The following CFAP70 variants were observed in gnomAD, a reference collection of about 807,000 sequenced individuals.
CFAP70 encodes the protein cilia and flagella associated protein 70, also known as cilia- and flagella-associated protein 70.
Under a neutral mutation model 137.6 loss-of-function variants are expected in CFAP70, and 81 were observed. That is an observed-to-expected ratio of 0.59 (90% CI 0.49 to 0.71). CFAP70 has a LOEUF of 0.71. Ranked by LOEUF, CFAP70 falls within the 30% of genes least tolerant of loss-of-function variation. The probability of loss-of-function intolerance (pLI) is 0.00; values close to 1 mark genes in which losing one functional copy is unlikely to be tolerated. For missense variants in CFAP70, 976 were observed against 1,226.7 expected (o/e 0.80, Z 3.05); for synonymous variants, 382 against 423.6 (o/e 0.90, Z 1.20).
intron 25 of CFAP70, among the ~76,000 whole-genome samples, chr10:73,257,094 T>C (rs7915765): frequency 0.1 from 15,942 of 152,104 alleles, 1,191 homozygotes; most frequent in East Asian, 0.29. Flanking sequence ...TCATTATTGA[T>C]GTTGTTTTTA....
At chr10:73,287,841 A>G (rs911972979) in intron 19 of CFAP70, among the ~76,000 whole-genome samples, 1 of 149,558 alleles carries the variant, frequency 6.7e-6, no homozygotes, top group Non-Finnish European at 1.5e-5. Context: ...AAATGGACTG[A>G]TGCATTTTAA....
At chr10:73,278,286 T>C in exon 20 of CFAP70, 2 of 1,614,032 alleles carry the variant, frequency 1.2e-6, no homozygotes, top group Non-Finnish European at 1.7e-6. Flanking sequence ...AGACTGCAGT[T>C]TGGAGGATTC....
chr10:73,342,645 G>A (rs1481782846), intron 5 of CFAP70, among the ~76,000 whole-genome samples: 3 of 152,118 alleles, frequency 2.0e-5, no homozygotes, highest in African/African-American at 4.8e-5. Context: ...TTAAAAGGAA[G>A]TTCTATTTCC....
chr10:73,308,921 TA>T (rs1170718448), intron 12 of CFAP70, among the ~76,000 whole-genome samples: 2 of 151,078 alleles, frequency 1.3e-5, no homozygotes, highest in African/African-American at 4.9e-5. Flanking sequence ...ACACATACAC[TA>T]AAGAAGAAGA....
intron 19 of CFAP70, among the ~76,000 whole-genome samples, chr10:73,282,464 A>G (rs374692630): frequency 1.3e-5 from 2 of 152,180 alleles, no homozygotes; most frequent in East Asian, 1.9e-4. Flanking sequence ...ATCTGAATGT[A>G]TGGTACAAAA....
chr10:73,324,118 G>T (rs185385330), intron 8 of CFAP70, among the ~76,000 whole-genome samples: 1 of 152,136 alleles, frequency 6.6e-6, no homozygotes, highest in Admixed American at 6.5e-5. Context: ...CACACTGCCG[G>T]GTACTCCTCT....
intron 7 of CFAP70, among the ~76,000 whole-genome samples, chr10:73,332,315 A>G (rs1689988412): frequency 2.0e-5 from 3 of 152,186 alleles, no homozygotes; most frequent in Admixed American, 1.3e-4. Flanking sequence ...GTGAAGATAG[A>G]AGAAAAATAC....
At chr10:73,353,578 G>C in exon 3 of CFAP70, 1 of 1,614,066 alleles carries the variant, frequency 6.2e-7, no homozygotes, top group Non-Finnish European at 8.5e-7. Context: ...TGTGAGCGAG[G>C]TCATCTGAAG....
chr10:73,277,375 A>G lies in CFAP70; in HGVS notation c.2399-14T>C, dbSNP rs1262095266. The G allele has an allele frequency of 1.2e-6, 2 of 1,611,940 alleles. No homozygotes were observed. The highest frequency in any genetic ancestry group is 1.3e-5 in the African/African-American group (1 of 74,838). ...ATTTTGATGCTTCTGAAAATATTAC[A>G]TTAAAAGGATTGAAGATTGGATATA... On this transcript the variant is annotated splice_polypyrimidine_tract_variant and intron_variant, in intron 20 of 26. Transcript: ENST00000310715.
chr10:73,326,047 C>T (rs1243081260), intron 8 of CFAP70, among the ~76,000 whole-genome samples: 1 of 151,878 alleles, frequency 6.6e-6, no homozygotes, highest in African/African-American at 2.4e-5. Context: ...TTTTTCAGCA[C>T]CACACCACAC....
intron 6 of CFAP70, among the ~76,000 whole-genome samples, chr10:73,338,808 A>T (rs989488111): frequency 6.6e-6 from 1 of 151,842 alleles, no homozygotes; most frequent in Non-Finnish European, 1.5e-5. Context: ...TGGAGGGCCA[A>T]TTTGTCCTAT....
chr10:73,308,166 A>C (rs2049559297), intron 12 of CFAP70, among the ~76,000 whole-genome samples: 1 of 152,028 alleles, frequency 6.6e-6, no homozygotes. Flanking sequence ...AAAAGAAAGA[A>C]AGAAAGAAAG....
intron 8 of CFAP70, among the ~76,000 whole-genome samples, chr10:73,325,303 A>G (rs1274755775): frequency 6.6e-6 from 1 of 152,124 alleles, no homozygotes; most frequent in African/African-American, 2.4e-5. Flanking sequence ...TTTTGTCACC[A>G]CCAGGCCTGC....
chr10:73,260,135 T>C (rs1403103816), intron 25 of CFAP70, among the ~76,000 whole-genome samples: 1 of 152,106 alleles, frequency 6.6e-6, no homozygotes, highest in Admixed American at 6.5e-5. Flanking sequence ...TGAGGATTAC[T>C]TGAGGCCAGG....
At chr10:73,303,364 C>A (rs934892910) in intron 12 of CFAP70, among the ~76,000 whole-genome samples, 1 of 152,118 alleles carries the variant, frequency 6.6e-6, no homozygotes, top group Non-Finnish European at 1.5e-5. Flanking sequence ...ACTACAGACG[C>A]CCGCCACCAC....
chr10:73,350,653 T>C (rs2054115029), intron 3 of CFAP70, among the ~76,000 whole-genome samples: 1 of 152,148 alleles, frequency 6.6e-6, no homozygotes, highest in African/African-American at 2.4e-5. Flanking sequence ...AGTTGTGAAA[T>C]ACTTATAAAG....
At position 73,307,341 on chromosome 10, in the gene CFAP70, G is replaced by A. The variant is rs2049466955; in HGVS notation, c.1256+2817C>T. Among the ~76,000 whole-genome samples the A allele has an allele frequency of 2.0e-5, 3 of 152,134 alleles. No homozygotes were observed. The South Asian group carries it at 6.2e-4, about 32-fold the overall frequency. ...CATGAAGACAACAAACAGATAAATG[G>A]CAGAAGTAAATCCTTCTCTATCAGT... On this transcript the variant is annotated intron_variant, in intron 12 of 26. Transcript: ENST00000310715.
chr10:73,324,891 A>G (rs1417370119), intron 8 of CFAP70, among the ~76,000 whole-genome samples: 4 of 152,250 alleles, frequency 2.6e-5, no homozygotes, highest in Non-Finnish European at 4.4e-5. Context: ...GGGAGAATGG[A>G]ACCAAGTTGG....
intron 15 of CFAP70, chr10:73,295,337 G>C (rs532370842): frequency 2.3e-5 from 3 of 132,676 alleles, no homozygotes; most frequent in Non-Finnish European, 4.7e-5. Context: ...GAGAGAGAAA[G>C]AGAAAGAAAG....
Sources: allele counts gnomAD v4.1 joint callset (sites outside exome capture counted in the v4.1 genomes callset), GRCh38; gene constraint gnomAD v4.1.1; transcripts MANE v1.5; gene names NCBI Gene and HGNC (gene_info 2026-07-23, HGNC 2026-07-21).